The following RGS6 variants were observed in gnomAD, a reference collection of about 807,000 sequenced individuals.
The protein encoded by RGS6 is regulator of G protein signaling 6.
In RGS6, 30 loss-of-function variants were observed where a neutral mutation model predicts 78.5. The observed-to-expected ratio is 0.38, with a 90% confidence interval of 0.29 to 0.52. RGS6 has a LOEUF of 0.52. Ranked by LOEUF, RGS6 falls within the 20% of genes least tolerant of loss-of-function variation. RGS6 has a pLI of 0.85. For missense variants in RGS6, 495 were observed against 609.7 expected, an observed-to-expected ratio of 0.81 and a Z score of 1.98; for synonymous variants, 206 against 206.0, an observed-to-expected ratio of 1.00 and a Z score of 0.00.
chr14:72,190,563 C>T (rs1177605240), intron 2 of RGS6, among the ~76,000 whole-genome samples: 1 of 152,178 alleles, frequency 6.6e-6, no homozygotes, highest in Admixed American at 6.5e-5. Context: ...ATGCCCCAGA[C>T]CCTCACCCTC....
chr14:72,371,963 T>C (rs1376494985), intron 3 of RGS6, among the ~76,000 whole-genome samples: 1 of 152,140 alleles, frequency 6.6e-6, no homozygotes, highest in African/African-American at 2.4e-5. Context: ...TGGAATTCTA[T>C]ACACTAAAAT....
chr14:72,432,831 G>A (rs550428642), intron 3 of RGS6, among the ~76,000 whole-genome samples: 1 of 152,176 alleles, frequency 6.6e-6, no homozygotes, highest in Non-Finnish European at 1.5e-5. Context: ...TCTAAGAGTA[G>A]CCACTTGAAG....
At chr14:72,605,459 A>G in the RGS6 span, among the ~76,000 whole-genome samples, 1 of 152,346 alleles carries the variant, frequency 6.6e-6, no homozygotes, top group South Asian at 2.1e-4. Flanking sequence ...GAGCATTAAC[A>G]ATGCTAATTA....
At chr14:72,106,028 G>T (rs2095625347) in intron 2 of RGS6, among the ~76,000 whole-genome samples, 1 of 152,208 alleles carries the variant, frequency 6.6e-6, no homozygotes, top group South Asian at 2.1e-4. Context: ...CTCAGGTAGT[G>T]GTTGGGAGAA....
At chr14:71,917,878 A>G in the RGS6 span, among the ~76,000 whole-genome samples, 2 of 152,026 alleles carry the variant, frequency 1.3e-5, no homozygotes, top group Non-Finnish European at 2.9e-5. Flanking sequence ...TTTTCCTGTC[A>G]ATTTAAGCTT....
rs555366048 is a variant in RGS6 at position 72,544,304 on chromosome 14, G to T, written c.1422+4210G>T. On this transcript the variant is annotated intron_variant, in intron 17 of 17. Coordinates refer to ENST00000553525, the MANE Select transcript of RGS6 (RefSeq NM_001204424.2). ...TCTGTCCAGTTCCACAGAAAAAGCC[G>T]CAGAGGGTGATAGCACTGAAGTTAG... 2.6e-5 allele frequency among the ~76,000 whole-genome samples: 4 copies of T among 152,340 alleles called. No homozygotes were observed. In the East Asian group the frequency reaches 7.7e-4, roughly 29 times the overall value.
At chr14:72,489,155 G>GCCCCCC (rs1443927486) in intron 12 of RGS6, among the ~76,000 whole-genome samples, 54 of 116,354 alleles carry the variant, frequency 4.6e-4, no homozygotes, top group African/African-American at 6.3e-4. Flanking sequence ...GGACAAAGGG[G>GCCCCCC]GCCCCCCCAC....
chr14:72,030,959 G>C (rs1364470244), intron 2 of RGS6, among the ~76,000 whole-genome samples: 2 of 144,150 alleles, frequency 1.4e-5, no homozygotes, highest in South Asian at 2.3e-4. Context: ...TGGAAATCTA[G>C]AAATAAGAAC....
chr14:71,922,184 G>C, the RGS6 span, among the ~76,000 whole-genome samples: 10,414 of 152,220 alleles, frequency 0.068, 431 homozygotes, highest in Non-Finnish European at 0.091. Flanking sequence ...ATCATTTTCC[G>C]AAGTTTTTAA....
chr14:71,873,718 T>C, the RGS6 span, among the ~76,000 whole-genome samples: 6 of 152,228 alleles, frequency 3.9e-5, no homozygotes, highest in African/African-American at 1.4e-4. Flanking sequence ...TCCTTGCCCA[T>C]GCCTATGTCC....
intron 3 of RGS6, among the ~76,000 whole-genome samples, chr14:72,451,923 T>G (rs2095504721): frequency 6.6e-6 from 1 of 152,028 alleles, no homozygotes; most frequent in South Asian, 2.1e-4. Flanking sequence ...GGCTAATGTT[T>G]TGTATTTTAA....
intron 1 of RGS6, among the ~76,000 whole-genome samples, chr14:71,964,211 T>C (rs1448934900): frequency 2.0e-5 from 3 of 152,172 alleles, no homozygotes; most frequent in African/African-American, 4.8e-5. Flanking sequence ...CAGGAGATTA[T>C]TTAAGACTGC....
the RGS6 span, among the ~76,000 whole-genome samples, chr14:71,915,182 G>A: frequency 6.6e-4 from 101 of 151,964 alleles, no homozygotes; most frequent in Non-Finnish European, 1.3e-3. Flanking sequence ...CGCTTGAACC[G>A]GGAGGCAGAG....
intron 2 of RGS6, among the ~76,000 whole-genome samples, chr14:71,995,442 A>AG (rs2153198738): frequency 6.6e-6 from 1 of 152,294 alleles, no homozygotes; most frequent in South Asian, 2.1e-4. Flanking sequence ...TCTGCCTCAC[A>AG]GGGACATAAG....
chr14:72,283,195 T>C (rs1267340212), intron 2 of RGS6, among the ~76,000 whole-genome samples: 2 of 152,240 alleles, frequency 1.3e-5, no homozygotes, highest in Non-Finnish European at 2.9e-5. Flanking sequence ...CTTAGGTTGT[T>C]TCTATATCTT....
chr14:72,209,739 G>T (rs1218569154), intron 2 of RGS6, among the ~76,000 whole-genome samples: 1 of 152,136 alleles, frequency 6.6e-6, no homozygotes, highest in Non-Finnish European at 1.5e-5. Context: ...TTCGTTCAGG[G>T]AGCATGCAGT....
intron 2 of RGS6, among the ~76,000 whole-genome samples, chr14:71,982,711 C>A (rs1189978445): frequency 6.6e-6 from 1 of 152,246 alleles, no homozygotes; most frequent in African/African-American, 2.4e-5. Flanking sequence ...TTGAGAAGAA[C>A]AAGCAGCTCC....
chr14:71,981,504 T>C (rs1486037622), intron 2 of RGS6, among the ~76,000 whole-genome samples: 1 of 151,732 alleles, frequency 6.6e-6, no homozygotes, highest in African/African-American at 2.4e-5. Flanking sequence ...TGCAGGTCTG[T>C]TGGAATACCC....
chr14:72,172,015 T>C (rs1048254799), intron 2 of RGS6, among the ~76,000 whole-genome samples: 1 of 152,146 alleles, frequency 6.6e-6, no homozygotes, highest in African/African-American at 2.4e-5. Context: ...TCTTGGTCAT[T>C]CCCTAAGGTG....
Sources: allele counts gnomAD v4.1 joint callset (sites outside exome capture counted in the v4.1 genomes callset), GRCh38; gene constraint gnomAD v4.1.1; transcripts MANE v1.5; gene names NCBI Gene and HGNC (gene_info 2026-07-23, HGNC 2026-07-21).